The following COL5A1 variants were observed in gnomAD, a reference collection of about 807,000 sequenced individuals.
The protein encoded by COL5A1 is collagen type V alpha 1 chain, also known as collagen alpha-1(V) chain.
A neutral mutation model predicts 263.7 loss-of-function variants in COL5A1; 16 were observed. The observed-to-expected ratio is 0.06, with a 90% CI of 0.04 to 0.09. COL5A1 has a LOEUF of 0.09. Among genes scored for constraint, COL5A1 ranks in the 10% least tolerant of loss-of-function variants. COL5A1 has a pLI of 1.00. For missense variants in COL5A1, 2,036 were observed against 2,540.5 expected (o/e 0.80, Z 4.27); for synonymous variants, 1,012 against 1,004.5 (o/e 1.01, Z -0.14).
intron 29 of COL5A1, among the ~76,000 whole-genome samples, chr9:134,783,890 A>G (rs368909512): frequency 6.6e-6 from 1 of 150,736 alleles, no homozygotes; most frequent in Non-Finnish European, 1.5e-5. Context: ...TTTGATGGTG[A>G]AAGTCCTTTT....
chr9:134,655,385 G>A (rs1831930665), intron 1 of COL5A1, among the ~76,000 whole-genome samples: 1 of 152,092 alleles, frequency 6.6e-6, no homozygotes, highest in East Asian at 1.9e-4. Flanking sequence ...GGTGGAGGGC[G>A]GCTGTGTCCC....
intron 2 of COL5A1, 130 bp downstream of exon 2, chr9:134,691,209 C>T: frequency 2.5e-6 from 3 of 1,203,262 alleles, no homozygotes; most frequent in East Asian, 2.4e-5. Context: ...TCTCACGAGC[C>T]CGGCTTCGTT....
chr9:134,725,812 C>T (rs1460199490), intron 4 of COL5A1, among the ~76,000 whole-genome samples: 1 of 152,142 alleles, frequency 6.6e-6, no homozygotes, highest in Middle Eastern at 3.2e-3. Context: ...GAATGATATT[C>T]CATTCTATGC....
Position 134,789,277 on chromosome 9 carries a change from C to T in COL5A1, c.2700+69C>T, listed in dbSNP as rs1431289054. On this transcript the variant is annotated intron_variant, in intron 32 of 65. Coordinates refer to ENST00000371817, the MANE Select transcript of COL5A1 (RefSeq NM_000093.5). This position sits in a 1 kb window ranked among gnomAD's most constrained non-coding sequence, Gnocchi z 4.8. ...CTCGGTGCCTAGCAAGTTGGTTCTC[C>T]AGCCGACGGCCTGTTTATTTCTCAC... 11 of 1,270,666 alleles carry T rather than the reference C, an allele frequency of 8.7e-6. No individual in the cohort carries two copies. The highest frequency in any genetic ancestry group is 3.5e-5 in the Admixed American group (2 of 56,524). The allele number at this position is 1,270,666 out of a possible 1,614,324, so 78.7% of individuals were successfully genotyped here.
At chr9:134,654,468 A>G (rs1171294757) in intron 1 of COL5A1, among the ~76,000 whole-genome samples, 32 of 40,004 alleles carry the variant, frequency 8.0e-4, no homozygotes, top group African/African-American at 1.3e-3. Context: ...GTAGGGCTGG[A>G]GGTGTGTAGG....
chr9:134,817,719 C>G (rs1216733615), intron 53 of COL5A1, 59 bp from the exon 54 acceptor site: 1 of 1,533,020 alleles, frequency 6.5e-7, no homozygotes, highest in Non-Finnish European at 9.0e-7. Flanking sequence ...TGCACCCGAG[C>G]TCGTCCCTCC....
chr9:134,800,745 C>T (rs1233954897), intron 37 of COL5A1, among the ~76,000 whole-genome samples: 1 of 25,972 alleles, frequency 3.9e-5, no homozygotes, highest in African/African-American at 1.9e-4. Context: ...AACTCTGTCT[C>T]AAACAAAAAA....
intron 22 of COL5A1, 143 bp from the exon 23 acceptor site, chr9:134,766,857 C>T (rs1836686532): frequency 8.4e-6 from 7 of 828,988 alleles, no homozygotes; most frequent in Non-Finnish European, 8.1e-6. Context: ...TGGTGGGACC[C>T]GGCCGCCTTT....
chr9:134,815,761 C>A, intron 51 of COL5A1, 132 bp downstream of exon 51: 1 of 1,248,884 alleles, frequency 8.0e-7, no homozygotes, highest in South Asian at 1.3e-5. Context: ...CCAAAAGGCA[C>A]TCGTGTTCCG....
intron 42 of COL5A1, 150 bp downstream of exon 42, chr9:134,806,446 G>A (rs988246440): frequency 1.6e-5 from 10 of 627,612 alleles, no homozygotes; most frequent in African/African-American, 5.5e-5. Flanking sequence ...AGGACAGAGC[G>A]TGTGTCCCAT....
At chr9:134,715,983 G>C (rs200745304) in intron 4 of COL5A1, among the ~76,000 whole-genome samples, 1 of 146,930 alleles carries the variant, frequency 6.8e-6, no homozygotes, top group African/African-American at 2.5e-5. Flanking sequence ...GATGCTGGTG[G>C]TGGTGGTGGT....
chr9:134,730,179 C>G (rs950373594), intron 6 of COL5A1, 57 bp from the exon 7 acceptor site: 8 of 1,604,660 alleles, frequency 5.0e-6, no homozygotes, highest in Middle Eastern at 1.9e-4. Flanking sequence ...AGTCCCAGAC[C>G]TGGCACCACT....
At chr9:134,744,142 A>T (rs962077387) in intron 11 of COL5A1, among the ~76,000 whole-genome samples, 5 of 152,214 alleles carry the variant, frequency 3.3e-5, no homozygotes, top group African/African-American at 1.2e-4. Context: ...AGCAAGCAGC[A>T]TGGGATTCAT....
chr9:134,786,625 A>T (rs907061510), intron 31 of COL5A1, among the ~76,000 whole-genome samples: 1 of 152,222 alleles, frequency 6.6e-6, no homozygotes, highest in Non-Finnish European at 1.5e-5. Context: ...AAGAAAAAGG[A>T]AACCTTTCTT....
chr9:134,813,180 T>A lies in COL5A1; in HGVS notation c.3852+468T>A, dbSNP rs564796319. Among the ~76,000 whole-genome samples the A allele has an allele frequency of 8.6e-5, 13 of 151,978 alleles. 1 individual carries two copies. The highest frequency in any genetic ancestry group is 3.1e-4 in the African/African-American group (13 of 41,468). On this transcript the variant is annotated intron_variant, in intron 48 of 65. Coordinates refer to ENST00000371817, the MANE Select transcript of COL5A1 (RefSeq NM_000093.5). Reference sequence around the variant, plus strand: ...TTTTGGAGCCCAGACTCCATGAGCGTCATGGACCCAGTCGTGTGTGTGTGT... The same window carrying A: ...TTTTGGAGCCCAGACTCCATGAGCGACATGGACCCAGTCGTGTGTGTGTGT...
rs201656806 is a variant in COL5A1 at position 134,728,774 on chromosome 9, G to A, written c.891G>A (p.Val297=). Residue 297 remains valine, a synonymous_variant, in exon 6 of 66, where the codon GTG becomes GTA. Transcript: ENST00000371817. ...AGCCCACCCCCAGCAAGAAGCCCGT[G>A]GAAGCTGCCAAAGAAACCACAGAGG... ...GKEPTPSKKP[V]EAAKETTEVP... is the part of the protein sequence containing the mutation. 3.1e-6 allele frequency: 5 copies of A among 1,614,200 alleles called. No homozygotes were observed. The highest frequency in any genetic ancestry group is 4.5e-5 in the East Asian group (2 of 44,868).
rs77681293 is a variant in COL5A1, at chr9:134,677,552, G to T, written c.110-13360G>T. Among the ~76,000 whole-genome samples, 1,545 of 152,280 alleles carry T rather than the reference G, an allele frequency of 0.01. 23 individuals carry two copies. The highest frequency in any genetic ancestry group is 0.035 in the African/African-American group (1,455 of 41,538). On this transcript the variant is annotated intron_variant, in intron 1 of 65. Coordinates refer to ENST00000371817, the MANE Select transcript of COL5A1 (RefSeq NM_000093.5). This position sits in a 1 kb window ranked among gnomAD's most constrained non-coding sequence, Gnocchi z 4.4. ...GATGCTGAAATGATAGGAGGGTGAG[G>T]TTTATCAGCGGGATCTTCGGGGTGA... is the stretch of plus-strand genomic sequence containing the variant.
At chr9:134,826,009 G>A (rs531356271) in intron 63 of COL5A1, 105 bp downstream of exon 63, 3 of 689,368 alleles carry the variant, frequency 4.4e-6, no homozygotes, top group South Asian at 1.7e-5. Flanking sequence ...AAGACTGAAA[G>A]CCAGAAATGA....
At chr9:134,763,806 T>A in intron 20 of COL5A1, 69 bp downstream of exon 20, 1 of 1,468,628 alleles carries the variant, frequency 6.8e-7, no homozygotes, top group Non-Finnish European at 9.5e-7. Context: ...AGGCTCCTGC[T>A]GGAGCAGGAT....
Sources: allele counts gnomAD v4.1 joint callset (sites outside exome capture counted in the v4.1 genomes callset), GRCh38; gene constraint gnomAD v4.1.1; non-coding constraint Gnocchi (gnomAD v3.1); transcripts MANE v1.5; gene names NCBI Gene and HGNC (gene_info 2026-07-23, HGNC 2026-07-21).